Variants in SVIL observed in about 807,000 individuals in gnomAD.
SVIL encodes archvillin.
SVIL carries 101 observed loss-of-function variants against 240.4 expected under a neutral mutation model. The ratio of observed to expected loss-of-function variants is 0.42; its 90% CI spans 0.36 to 0.50. The LOEUF (loss-of-function observed/expected upper bound fraction) is 0.50, where lower values mean the gene tolerates loss of function less well. Among genes scored for constraint, SVIL ranks in the 20% least tolerant of loss-of-function variants. The pLI, the probability that SVIL is intolerant of heterozygous loss-of-function variation, is 0.01. For synonymous variants in SVIL, 999 were observed against 1,100.0 expected (o/e 0.91, Z 1.82); for missense variants, 2,512 against 2,818.7 (o/e 0.89, Z 2.46).
chr10:29,579,519 T>C (rs1416577015), intron 1 of SVIL, among the ~76,000 whole-genome samples: 2 of 152,128 alleles, frequency 1.3e-5, no homozygotes, highest in Non-Finnish European at 2.9e-5. Flanking sequence ...CTATTGACAA[T>C]GTCTCAGTAT....
intron 1 of SVIL, among the ~76,000 whole-genome samples, chr10:29,571,148 G>A (rs775329874): frequency 7.9e-5 from 12 of 152,200 alleles, no homozygotes; most frequent in African/African-American, 1.7e-4. Context: ...GGACTAGAGC[G>A]ACCAGGCACT....
chr10:29,544,313 G>A (rs915823321), intron 6 of SVIL, among the ~76,000 whole-genome samples: 2 of 152,112 alleles, frequency 1.3e-5, no homozygotes, highest in African/African-American at 2.4e-5. Context: ...GCTAATGACC[G>A]TTCTGCAGAT....
At chr10:29,594,522 G>A (rs1956507169) in intron 1 of SVIL, among the ~76,000 whole-genome samples, 1 of 150,706 alleles carries the variant, frequency 6.6e-6, no homozygotes, top group South Asian at 2.1e-4. Flanking sequence ...GAGGCGAGGA[G>A]TTTATGGGAA....
At chr10:29,475,056 C>T (rs1488117407) in intron 29 of SVIL, among the ~76,000 whole-genome samples, 2 of 152,182 alleles carry the variant, frequency 1.3e-5, no homozygotes, top group Admixed American at 6.5e-5. Flanking sequence ...TACAGGGTCT[C>T]CCTCTGTCAC....
intron 17 of SVIL, among the ~76,000 whole-genome samples, chr10:29,506,697 G>A (rs549192906): frequency 1.9e-4 from 27 of 142,008 alleles, no homozygotes; most frequent in African/African-American, 3.1e-4. Context: ...GGGGACAGAG[G>A]CCCTACGAGG....
In SVIL at chr10:29,480,706, A is replaced by G; in HGVS notation, c.5208T>C (p.Tyr1736=). The G allele has an allele frequency of 6.2e-7, 1 of 1,614,176 alleles. No individual in the cohort carries two copies. The highest frequency in any genetic ancestry group is 8.5e-7 in the Non-Finnish European group (1 of 1,180,022). Residue 1736 remains tyrosine, a synonymous_variant, in exon 29 of 38, where the codon TAT becomes TAC. Coordinates refer to ENST00000355867, the MANE Select transcript of SVIL (RefSeq NM_021738.3). ...ILDGVNVGRG[Y]GLVEGHDRRQ... ...TCCTGTCGTGTCCTTCCACCAGGCC[A>G]TAGCCACGGCCGACGTTCACTCCGT...
intron 17 of SVIL, among the ~76,000 whole-genome samples, chr10:29,501,439 C>T (rs1237777364): frequency 7.0e-6 from 1 of 143,020 alleles, no homozygotes; most frequent in Non-Finnish European, 1.5e-5. Flanking sequence ...GAAGAGAAGG[C>T]AAGAAAGTGG....
chr10:29,482,021 C>CTTTTTTTT (rs35856299), intron 27 of SVIL, among the ~76,000 whole-genome samples: 14 of 113,404 alleles, frequency 1.2e-4, no homozygotes, highest in African/African-American at 4.2e-4. Flanking sequence ...CTTTTCTTTT[C>CTTTTTTTT]TTTTTTTTTT....
chr10:29,682,531 C>T (rs1025188665), intron 2 of SVIL, among the ~76,000 whole-genome samples: 1 of 152,160 alleles, frequency 6.6e-6, no homozygotes, highest in Non-Finnish European at 1.5e-5. Flanking sequence ...AGGAGATACC[C>T]TTTACACACA....
chr10:29,625,698 G>A (rs766176327), intron 1 of SVIL, among the ~76,000 whole-genome samples: 1 of 152,108 alleles, frequency 6.6e-6, no homozygotes, highest in Admixed American at 6.5e-5. Context: ...TCCTGATCTC[G>A]TGATCCACCC....
At chr10:29,659,499 C>A (rs1004516697) in intron 2 of SVIL, among the ~76,000 whole-genome samples, 1 of 152,118 alleles carries the variant, frequency 6.6e-6, no homozygotes, top group South Asian at 2.1e-4. Context: ...AATTCCTTGG[C>A]GCTCATTTTT....
At chr10:29,602,155 C>A in intron 1 of SVIL, 1 of 425,314 alleles carries the variant, frequency 2.4e-6, no homozygotes, top group Non-Finnish European at 4.8e-6. Context: ...CTCTAAACAC[C>A]TACAAAAGAA....
chr10:29,684,343 T>C (rs960958237), intron 2 of SVIL, among the ~76,000 whole-genome samples: 5 of 152,020 alleles, frequency 3.3e-5, no homozygotes, highest in Admixed American at 6.6e-5. Context: ...CCCAAGGCGG[T>C]TGGGTTACAG....
At chr10:29,542,127 T>C (rs1284915367) in intron 6 of SVIL, among the ~76,000 whole-genome samples, 1 of 152,190 alleles carries the variant, frequency 6.6e-6, no homozygotes, top group Non-Finnish European at 1.5e-5. Flanking sequence ...CCAAACACAA[T>C]TTGCATTTGG....
At chr10:29,530,573 G>C in intron 11 of SVIL, 34 bp downstream of exon 11, 1 of 1,613,152 alleles carries the variant, frequency 6.2e-7, no homozygotes, top group Non-Finnish European at 8.5e-7. Context: ...GCACCCAGTA[G>C]GGATCTCTAT....
chr10:29,542,278 T>A (rs780997798), intron 6 of SVIL, among the ~76,000 whole-genome samples: 34 of 152,226 alleles, frequency 2.2e-4, no homozygotes, highest in Non-Finnish European at 4.3e-4. Flanking sequence ...CTAGGTCACT[T>A]GAAATTGTTG....
At chr10:29,716,697 A>AT (rs926708286) in intron 1 of SVIL, among the ~76,000 whole-genome samples, 9 of 152,300 alleles carry the variant, frequency 5.9e-5, no homozygotes, top group African/African-American at 2.2e-4. Context: ...TGTTTTAATG[A>AT]TTTTTTACAT....
At position 29,647,991 on chromosome 10, in the gene SVIL, A is replaced by C. The variant is rs759404353; in HGVS notation, c.-201+9978T>G. Among the ~76,000 whole-genome samples, 38 of 151,404 alleles carry C rather than the reference A, an allele frequency of 2.5e-4. 1 individual carries two copies. The highest frequency in any genetic ancestry group is 4.4e-4 in the Non-Finnish European group (30 of 67,912). On this transcript the variant is annotated intron_variant, in intron 3 of 35. Coordinates refer to the SVIL transcript ENST00000375400. ...AATATCAAAAAAAAAAAAAACAAAA[A>C]AAATCATTACCAGAAAAAAAAAAAA...
chr10:29,657,782 C>A (rs1205904215), intron 3 of SVIL: 1 of 152,200 alleles, frequency 6.6e-6, no homozygotes, highest in Non-Finnish European at 1.5e-5. Context: ...TGGCTCAGCT[C>A]TCCTGTATGT....
Sources: allele counts gnomAD v4.1 joint callset (sites outside exome capture counted in the v4.1 genomes callset), GRCh38; gene constraint gnomAD v4.1.1; transcripts MANE v1.5; gene names NCBI Gene and HGNC (gene_info 2026-07-23, HGNC 2026-07-21).